RREB1: variants seen among roughly 807,000 people sequenced by gnomAD.
RREB1 encodes the protein ras-responsive element-binding protein 1.
RREB1 carries 27 observed loss-of-function variants against 117.8 expected under a neutral mutation model. The ratio of observed to expected loss-of-function variants is 0.23; its 90% confidence interval spans 0.17 to 0.32. The LOEUF (loss-of-function observed/expected upper bound fraction) is 0.32. RREB1 is among the 10% of genes least tolerant of loss of function. The pLI, the probability that RREB1 is intolerant of heterozygous loss-of-function variation, is 1.00. For synonymous variants in RREB1, 1,298 were observed against 1,026.7 expected (o/e 1.26, Z -5.05); for missense variants, 2,577 against 2,378.2 (o/e 1.08, Z -1.74).
chr6:7,219,645 G>A (rs1332900930), intron 8 of RREB1, among the ~76,000 whole-genome samples: 1 of 152,182 alleles, frequency 6.6e-6, no homozygotes. Context: ...GATTTGGCTT[G>A]TCTGTTTGAT....
intron 1 of RREB1, chr6:7,108,500 ACCAGCACCGCCGGGACTCGGATGGTG>A (rs1292759241): frequency 6.6e-6 from 1 of 151,472 alleles, no homozygotes; most frequent in African/African-American, 2.4e-5. Context: ...TTTATTTTTA[ACCAGCACCGCCGGGACTCGGATGGTG>A]CGCGCACCGC....
intron 8 of RREB1, chr6:7,213,155 T>C (rs1403376849): frequency 6.6e-6 from 1 of 152,104 alleles, no homozygotes; most frequent in African/African-American, 2.4e-5. Context: ...ACCTTATTTT[T>C]ATTTATTTAT....
At chr6:7,220,741 G>T (rs1488000300) in intron 8 of RREB1, among the ~76,000 whole-genome samples, 1 of 152,186 alleles carries the variant, frequency 6.6e-6, no homozygotes, top group African/African-American at 2.4e-5. Context: ...GTGGCTCTAA[G>T]TGCAGTTCTG....
At chr6:7,164,138 A>AT (rs1581475464) in intron 1 of RREB1, among the ~76,000 whole-genome samples, 1 of 152,144 alleles carries the variant, frequency 6.6e-6, no homozygotes, top group East Asian at 1.9e-4. Flanking sequence ...ATCTAGACTC[A>AT]TAAAAAAAAA....
At chr6:7,217,664 A>C (rs1766981743) in intron 8 of RREB1, 2 of 152,224 alleles carry the variant, frequency 1.3e-5, no homozygotes, top group African/African-American at 4.8e-5. Context: ...TGTTGTGAGG[A>C]TGAAGGGAGA....
intron 1 of RREB1, among the ~76,000 whole-genome samples, chr6:7,165,723 T>C (rs1046882955): frequency 2.0e-5 from 3 of 152,218 alleles, no homozygotes; most frequent in African/African-American, 7.2e-5. Context: ...GCTGTGCTTC[T>C]CTGAAGTGTG....
At chr6:7,123,282 T>C (rs1052882071) in intron 1 of RREB1, among the ~76,000 whole-genome samples, 2 of 151,746 alleles carry the variant, frequency 1.3e-5, no homozygotes, top group African/African-American at 4.8e-5. Flanking sequence ...CTCAGCCTCC[T>C]GAGGAGCTGG....
intron 5 of RREB1, among the ~76,000 whole-genome samples, chr6:7,188,671 T>G (rs1765237027): frequency 6.6e-6 from 1 of 152,088 alleles, no homozygotes; most frequent in South Asian, 2.1e-4. Context: ...GTAACTCGGG[T>G]TTGAATAGAA....
At chr6:7,233,116 A>T (rs1005514970) in intron 10 of RREB1, among the ~76,000 whole-genome samples, 1 of 152,116 alleles carries the variant, frequency 6.6e-6, no homozygotes. Flanking sequence ...GACTGGTCTC[A>T]AACTCCTGAC....
chr6:7,146,064 G>A (rs1361302037), intron 1 of RREB1, among the ~76,000 whole-genome samples: 1 of 150,570 alleles, frequency 6.6e-6, no homozygotes, highest in African/African-American at 2.5e-5. Context: ...CGCCCCCCAG[G>A]ACTTTAATAC....
At chr6:7,209,735 AAGG>A (rs889572942) in intron 6 of RREB1, among the ~76,000 whole-genome samples, 2 of 152,204 alleles carry the variant, frequency 1.3e-5, no homozygotes, top group African/African-American at 4.8e-5. Flanking sequence ...AACAACAAAA[AAGG>A]AGAGTACAGC....
intron 1 of RREB1, among the ~76,000 whole-genome samples, chr6:7,153,711 T>C (rs1763234421): frequency 6.6e-6 from 1 of 152,208 alleles, no homozygotes; most frequent in South Asian, 2.1e-4. Flanking sequence ...GTGGGCATCC[T>C]CTTTATAATG....
At chr6:7,128,151 TG>T (rs1466241741) in intron 1 of RREB1, among the ~76,000 whole-genome samples, 1 of 152,066 alleles carries the variant, frequency 6.6e-6, no homozygotes, top group Non-Finnish European at 1.5e-5. Flanking sequence ...TTGTGCAAAA[TG>T]GGGGTAGGCC....
chr6:7,160,768 C>T (rs1263434840), intron 1 of RREB1, among the ~76,000 whole-genome samples: 3 of 151,916 alleles, frequency 2.0e-5, no homozygotes, highest in Non-Finnish European at 4.4e-5. Context: ...CTCACTGCAA[C>T]CTCCGACTCC....
At chr6:7,109,098 C>T (rs1233813886) in intron 1 of RREB1, among the ~76,000 whole-genome samples, 1 of 151,778 alleles carries the variant, frequency 6.6e-6, no homozygotes, top group African/African-American at 2.4e-5. Context: ...GGGCCGGCCG[C>T]CGGGGCCCGC....
At chr6:7,245,283 C>T (rs187499634) in intron 11 of RREB1, among the ~76,000 whole-genome samples, 1 of 152,170 alleles carries the variant, frequency 6.6e-6, no homozygotes, top group Admixed American at 6.5e-5. Flanking sequence ...GTAATCCCAG[C>T]TCTTGGGAGG....
chr6:7,143,857 T>C (rs1171701294), intron 1 of RREB1, among the ~76,000 whole-genome samples: 27 of 148,470 alleles, frequency 1.8e-4, no homozygotes, highest in East Asian at 2.0e-4. Flanking sequence ...CTTTCTTTTT[T>C]TTTTTTTTTT....
At chr6:7,175,766 G>A (rs918592426) in intron 1 of RREB1, among the ~76,000 whole-genome samples, 13 of 152,202 alleles carry the variant, frequency 8.5e-5, no homozygotes, top group African/African-American at 3.1e-4. Context: ...AAGGGCATGT[G>A]TAATTTGAGA....
intron 8 of RREB1, among the ~76,000 whole-genome samples, chr6:7,225,345 A>G (rs891251764): frequency 6.6e-6 from 1 of 152,210 alleles, no homozygotes; most frequent in African/African-American, 2.4e-5. Context: ...AGCCCTTAAA[A>G]GAAGGCTGAA....
Sources: gnomAD v4.1 joint callset for allele counts (sites outside exome capture counted in the v4.1 genomes callset) on GRCh38, gnomAD v4.1.1 for gene constraint, MANE v1.5 for transcripts, NCBI Gene and HGNC (gene_info 2026-07-23, HGNC 2026-07-21) for gene names.